LYN: variants seen among roughly 807,000 people sequenced by gnomAD.
LYN encodes LYN proto-oncogene, Src family tyrosine kinase.
A neutral mutation model predicts 65.0 loss-of-function variants in LYN; 12 were observed. That is an observed-to-expected ratio of 0.18 (90% CI 0.12 to 0.30). The LOEUF (loss-of-function observed/expected upper bound fraction) is 0.30, where lower values mean the gene tolerates loss of function less well. LYN is among the 10% of genes least tolerant of loss of function. The pLI, the probability that LYN is intolerant of heterozygous loss-of-function variation, is 1.00. For synonymous variants in LYN, 222 were observed against 221.2 expected (o/e 1.00, Z -0.03); for missense variants, 380 against 623.2 (o/e 0.61, Z 4.16).
intron 1 of LYN, among the ~76,000 whole-genome samples, chr8:55,929,601 A>G (rs924713832): frequency 1.3e-5 from 2 of 152,234 alleles, no homozygotes; most frequent in Admixed American, 6.5e-5. Context: ...CCTGGCATGA[A>G]GCTTTCATAA....
chr8:55,962,595 G>A (rs1189349830), intron 8 of LYN, among the ~76,000 whole-genome samples: 2 of 152,182 alleles, frequency 1.3e-5, no homozygotes, highest in African/African-American at 4.8e-5. Flanking sequence ...TTGGTGAGAT[G>A]CATTCATGCT....
At chr8:55,941,724 T>A (rs1339691144) in intron 1 of LYN, 131 bp from the exon 2 acceptor site, 6 of 599,836 alleles carry the variant, frequency 1.0e-5, no homozygotes, top group South Asian at 9.4e-5. Flanking sequence ...GTATTCACTT[T>A]GAGTTTATTA....
At chr8:55,986,204 C>T (rs949116575) in intron 10 of LYN, among the ~76,000 whole-genome samples, 4 of 137,534 alleles carry the variant, frequency 2.9e-5, no homozygotes, top group Non-Finnish European at 1.6e-5. Flanking sequence ...CAAAAAAAAA[C>T]GCTACCTTAT....
intron 1 of LYN, among the ~76,000 whole-genome samples, chr8:55,897,448 C>T (rs1196298663): frequency 1.3e-5 from 2 of 152,158 alleles, no homozygotes; most frequent in Non-Finnish European, 2.9e-5. Flanking sequence ...GAGGGGTTGA[C>T]AGCAGAAGAT....
At chr8:55,917,426 C>T (rs1805810063) in intron 1 of LYN, among the ~76,000 whole-genome samples, 1 of 152,150 alleles carries the variant, frequency 6.6e-6, no homozygotes, top group Non-Finnish European at 1.5e-5. Context: ...TAAACTGATC[C>T]TCCTGCCTCA....
intron 12 of LYN, among the ~76,000 whole-genome samples, chr8:56,004,607 C>T (rs3106348): frequency 0.28 from 43,273 of 151,900 alleles, 6,909 homozygotes; most frequent in African/African-American, 0.42. Context: ...AAAAGACTTC[C>T]AATGAAAAAT....
chr8:55,958,778 G>T (rs1432772124), intron 8 of LYN, among the ~76,000 whole-genome samples: 1 of 152,158 alleles, frequency 6.6e-6, no homozygotes, highest in Non-Finnish European at 1.5e-5. Context: ...CTATGTCGTA[G>T]CATGTGTCAG....
chr8:55,949,344 C>A (rs1265337034), intron 4 of LYN, among the ~76,000 whole-genome samples: 1 of 152,184 alleles, frequency 6.6e-6, no homozygotes, highest in Non-Finnish European at 1.5e-5. Context: ...TCTTTGTGCA[C>A]CCCTGATCGC....
intron 10 of LYN, chr8:55,980,285 T>A (rs72653917): frequency 0.15 from 22,306 of 152,180 alleles, 2,197 homozygotes; most frequent in Middle Eastern, 0.23. Context: ...TGCAGTGGCT[T>A]TTCACAGGCA....
chr8:55,937,549 G>A (rs2130464687), intron 1 of LYN, among the ~76,000 whole-genome samples: 1 of 152,286 alleles, frequency 6.6e-6, no homozygotes, highest in African/African-American at 2.4e-5. Context: ...TTATGCCCCT[G>A]TGCAGTGTAT....
rs144335088 is a variant in LYN, at chr8:55,998,373, C to T, written c.1078C>T (p.Arg360Trp). 58 of 1,613,420 alleles carry T rather than the reference C, an allele frequency of 3.6e-5. No individual in the cohort carries two copies. The highest frequency in any genetic ancestry group is 4.5e-5 in the Non-Finnish European group (53 of 1,179,562). ...TGCAGAGGGAATGGCATACATCGAGCGGAAGAACTACATTCACCGGGACCT... is the reference window on the plus strand; with the variant it reads ...TGCAGAGGGAATGGCATACATCGAGTGGAAGAACTACATTCACCGGGACCT... ...QIAEGMAYIE[R>W]KNYIHRDLRA... Residue 360 changes from arginine (R) to tryptophan (W), a missense_variant, in exon 11 of 13, where the codon CGG (arginine) becomes TGG (tryptophan). Arg to Trp is a moderately radical substitution (Grantham distance 101, BLOSUM62 -3). Around this residue, in one of 2 missense-constraint regions of LYN, gnomAD observed 223 missense variants for 430.0 expected, o/e 0.52. Coordinates refer to ENST00000519728, the MANE Select transcript of LYN (RefSeq NM_002350.4).
At chr8:55,957,958 A>G (rs1352681630) in intron 8 of LYN, among the ~76,000 whole-genome samples, 1 of 152,082 alleles carries the variant, frequency 6.6e-6, no homozygotes, top group Non-Finnish European at 1.5e-5. Flanking sequence ...AAAAATAAAT[A>G]AATAAATATG....
intron 9 of LYN, among the ~76,000 whole-genome samples, chr8:55,967,536 G>A (rs1198799494): frequency 2.0e-5 from 3 of 151,924 alleles, no homozygotes; most frequent in Non-Finnish European, 2.9e-5. Context: ...GGCTGGTCTC[G>A]AACTCCTGAG....
rs111295560 is a variant in LYN at position 55,922,658 on chromosome 8, TG to T, written c.-5-19192del. 8.6e-5 allele frequency among the ~76,000 whole-genome samples: 13 copies of T among 151,696 alleles called. 1 individual carries two copies. Among genetic ancestry groups the T allele is most frequent in the African/African-American group, 2.4e-4 (10 of 41,326 alleles). The stretch of plus-strand genomic sequence containing the variant: ...GGCACACGCCTGTAATCCCAGCTAT[TG>T]GGGGAGCTGAGGCAGGTGAATCACT... On this transcript the variant is annotated intron_variant, in intron 1 of 12. Coordinates refer to ENST00000519728, the MANE Select transcript of LYN (RefSeq NM_002350.4).
Position 55,941,368 on chromosome 8 carries a change from T to C in LYN, c.-5-487T>C, listed in dbSNP as rs560820892. Among the ~76,000 whole-genome samples the C allele has an allele frequency of 5.3e-5, 8 of 152,320 alleles. No individual in the cohort carries two copies. In the East Asian group the frequency reaches 1.3e-3, roughly 26 times the overall value. On this transcript the variant is annotated intron_variant, in intron 1 of 12. Coordinates refer to ENST00000519728, the MANE Select transcript of LYN (RefSeq NM_002350.4). ...ATTTTCTGAAGAGATTAGGTTGATC[T>C]AGCTCTCTGAAGGGGCCATGTTATC...
At chr8:55,962,461 A>C (rs370389762) in intron 8 of LYN, among the ~76,000 whole-genome samples, 1 of 151,608 alleles carries the variant, frequency 6.6e-6, no homozygotes. Flanking sequence ...TCTTCATCTC[A>C]TGTCGTGTTT....
intron 1 of LYN, among the ~76,000 whole-genome samples, chr8:55,928,028 C>T (rs1806158565): frequency 6.6e-6 from 1 of 152,156 alleles, no homozygotes; most frequent in African/African-American, 2.4e-5. Context: ...TTATGTTCCC[C>T]AGCAATGAAT....
chr8:55,881,996 T>C (rs1804664905), intron 1 of LYN, among the ~76,000 whole-genome samples: 1 of 152,270 alleles, frequency 6.6e-6, no homozygotes, highest in East Asian at 1.9e-4. Flanking sequence ...CCCTAAGGTG[T>C]TTGAAGCCTA....
At chr8:56,008,671 T>C (rs1231188934) in intron 12 of LYN, among the ~76,000 whole-genome samples, 1 of 152,224 alleles carries the variant, frequency 6.6e-6, no homozygotes, top group Non-Finnish European at 1.5e-5. Context: ...CCTGAGACAT[T>C]TGACCACATT....
Sources: allele counts gnomAD v4.1 joint callset (sites outside exome capture counted in the v4.1 genomes callset), GRCh38; gene constraint gnomAD v4.1.1; regional missense constraint gnomAD v4.1.1; transcripts MANE v1.5; gene names NCBI Gene and HGNC (gene_info 2026-07-23, HGNC 2026-07-21).